FAM107B: variants seen among roughly 807,000 people sequenced by gnomAD.
FAM107B encodes protein FAM107B.
Under a neutral mutation model 31.5 loss-of-function variants are expected in FAM107B, and 21 were observed. The ratio of observed to expected loss-of-function variants is 0.67; its 90% confidence interval spans 0.47 to 0.96. FAM107B has a LOEUF of 0.96. Among genes scored for constraint, FAM107B ranks in the 40% least tolerant of loss-of-function variants. The pLI, the probability that FAM107B is intolerant of heterozygous loss-of-function variation, is 0.00. For synonymous variants in FAM107B, 157 were observed against 141.5 expected (o/e 1.11, Z -0.78); for missense variants, 452 against 377.1 (o/e 1.20, Z -1.64).
At chr10:14,543,707 A>AC (rs1848449454) in intron 2 of FAM107B, among the ~76,000 whole-genome samples, 1 of 151,792 alleles carries the variant, frequency 6.6e-6, no homozygotes, top group Non-Finnish European at 1.5e-5. Context: ...AAAAAAAAAA[A>AC]AACCAAAAAC....
chr10:14,569,268 T>C (rs973253985), intron 2 of FAM107B, among the ~76,000 whole-genome samples: 4 of 152,122 alleles, frequency 2.6e-5, no homozygotes, highest in Admixed American at 6.5e-5. Flanking sequence ...ACAACTGATA[T>C]AGAAATAGAG....
chr10:14,632,527 C>T (rs954337486), intron 2 of FAM107B, among the ~76,000 whole-genome samples: 1 of 149,022 alleles, frequency 6.7e-6, no homozygotes, highest in African/African-American at 2.5e-5. Context: ...AGGAGAATGG[C>T]GTGAACCCGG....
chr10:14,571,074 C>T (rs978869864), intron 2 of FAM107B, among the ~76,000 whole-genome samples: 4 of 152,072 alleles, frequency 2.6e-5, no homozygotes, highest in African/African-American at 7.2e-5. Flanking sequence ...GCCAGCAGAT[C>T]GGGTGTCTGG....
intron 1 of FAM107B, among the ~76,000 whole-genome samples, chr10:14,718,019 T>C (rs948923254): frequency 2.6e-5 from 4 of 151,918 alleles, no homozygotes; most frequent in African/African-American, 9.7e-5. Context: ...TTCCTGGGGG[T>C]CCAGGAGAAG....
chr10:14,580,189 C>G (rs1003857326), intron 2 of FAM107B, among the ~76,000 whole-genome samples: 5 of 151,938 alleles, frequency 3.3e-5, no homozygotes, highest in Non-Finnish European at 7.4e-5. Context: ...GAAACCCTGT[C>G]TCTACTAAAA....
intron 3 of FAM107B, among the ~76,000 whole-genome samples, chr10:14,524,244 T>C (rs899385571): frequency 6.6e-6 from 1 of 152,128 alleles, no homozygotes; most frequent in African/African-American, 2.4e-5. Flanking sequence ...GGTTTCACCA[T>C]GTTGGCCAGG....
chr10:14,522,331 T>C, intron 3 of FAM107B: 1 of 250,740 alleles, frequency 4.0e-6, no homozygotes, highest in Non-Finnish European at 7.6e-6. Flanking sequence ...ATGACTGTGA[T>C]GGGTGCCCAT....
intron 1 of FAM107B, among the ~76,000 whole-genome samples, chr10:14,679,013 C>G (rs1022471431): frequency 2.6e-5 from 4 of 152,230 alleles, no homozygotes; most frequent in African/African-American, 4.8e-5. Flanking sequence ...TGGCATCCCA[C>G]AGGGGTGCTG....
At chr10:14,682,017 A>G (rs1854848753) in intron 1 of FAM107B, among the ~76,000 whole-genome samples, 1 of 152,238 alleles carries the variant, frequency 6.6e-6, no homozygotes, top group Non-Finnish European at 1.5e-5. Flanking sequence ...ACACCTGTTG[A>G]ACATTTCCAG....
At chr10:14,547,943 G>C (rs1848857182) in intron 2 of FAM107B, among the ~76,000 whole-genome samples, 1 of 152,218 alleles carries the variant, frequency 6.6e-6, no homozygotes, top group South Asian at 2.1e-4. Flanking sequence ...CCAAACCCTA[G>C]AGAACAGCTA....
chr10:14,540,516 C>T (rs996555285), intron 2 of FAM107B, among the ~76,000 whole-genome samples: 2 of 152,306 alleles, frequency 1.3e-5, no homozygotes, highest in Admixed American at 6.5e-5. Flanking sequence ...GATGCGAAGG[C>T]AGCCCCTGGA....
chr10:14,629,498 A>C (rs1244218033), intron 2 of FAM107B, among the ~76,000 whole-genome samples: 2 of 117,056 alleles, frequency 1.7e-5, no homozygotes, highest in Non-Finnish European at 1.6e-5. Context: ...TATAATATAT[A>C]TATATTTAAT....
chr10:14,611,482 TTTTATATA>T (rs1411911828), intron 2 of FAM107B, among the ~76,000 whole-genome samples: 1 of 97,488 alleles, frequency 1.0e-5, no homozygotes, highest in Admixed American at 1.3e-4. Context: ...TGAATGCCAG[TTTTATATA>T]TATATATATA....
chr10:14,547,630 T>C (rs1848821348), intron 2 of FAM107B, among the ~76,000 whole-genome samples: 2 of 152,146 alleles, frequency 1.3e-5, no homozygotes, highest in Non-Finnish European at 2.9e-5. Context: ...CTCAAAAAAT[T>C]TTGAATTTTA....
chr10:14,608,982 C>A (rs907734007), intron 2 of FAM107B, among the ~76,000 whole-genome samples: 1 of 152,168 alleles, frequency 6.6e-6, no homozygotes, highest in Non-Finnish European at 1.5e-5. Flanking sequence ...AAGACAAAAG[C>A]ACTTTGGTAT....
chr10:14,580,337 A>G (rs10906703), intron 2 of FAM107B, among the ~76,000 whole-genome samples: 121,843 of 151,630 alleles, frequency 0.8, 49,451 homozygotes, highest in East Asian at 0.89. Flanking sequence ...TCCAGCCTGC[A>G]CGACAGAGCA....
At chr10:14,623,582 T>C (rs770139637) in intron 2 of FAM107B, among the ~76,000 whole-genome samples, 126 of 152,134 alleles carry the variant, frequency 8.3e-4, no homozygotes, top group Non-Finnish European at 1.6e-3. Context: ...TCCCAGCATT[T>C]TGGGAGGCCA....
intron 2 of FAM107B, among the ~76,000 whole-genome samples, chr10:14,567,785 T>G (rs1390630555): frequency 1.3e-5 from 2 of 152,236 alleles, no homozygotes; most frequent in Non-Finnish European, 2.9e-5. Context: ...GGACAGAAGC[T>G]TCTGGTGAGT....
intron 2 of FAM107B, among the ~76,000 whole-genome samples, chr10:14,578,141 G>A (rs1303467554): frequency 1.3e-5 from 2 of 152,122 alleles, no homozygotes; most frequent in Non-Finnish European, 2.9e-5. Context: ...AACGAACTCC[G>A]CTTCCAAGCA....
Sources: gnomAD v4.1 joint callset for allele counts (sites outside exome capture counted in the v4.1 genomes callset) on GRCh38, gnomAD v4.1.1 for gene constraint, MANE v1.5 for transcripts, NCBI Gene and HGNC (gene_info 2026-07-23, HGNC 2026-07-21) for gene names.